MYT1L: variants seen among roughly 807,000 people sequenced by gnomAD.
MYT1L encodes the protein myelin transcription factor 1-like protein.
In MYT1L, 12 loss-of-function variants were observed where a neutral mutation model predicts 126.7. The ratio of observed to expected loss-of-function variants is 0.09; its 90% CI spans 0.06 to 0.15. MYT1L has a LOEUF of 0.15. Ranked by LOEUF, MYT1L falls within the 10% of genes least tolerant of loss-of-function variation. The pLI, the probability that MYT1L is intolerant of heterozygous loss-of-function variation, is 1.00. For missense variants in MYT1L, 979 were observed against 1,585.2 expected (o/e 0.62, Z 6.49); for synonymous variants, 541 against 604.2 (o/e 0.90, Z 1.53).
At chr2:2,301,378 A>T (rs10196538) in intron 1 of MYT1L, among the ~76,000 whole-genome samples, 79 of 152,252 alleles carry the variant, frequency 5.2e-4, no homozygotes, top group Non-Finnish European at 8.8e-4. Context: ...AGGTAGACAC[A>T]TTCATTTTTT....
At chr2:2,158,020 T>C (rs779666305) in intron 3 of MYT1L, among the ~76,000 whole-genome samples, 3 of 152,094 alleles carry the variant, frequency 2.0e-5, no homozygotes, top group African/African-American at 7.2e-5. Flanking sequence ...TTCCTAGGTC[T>C]CTTGCCCTTT....
chr2:2,250,874 T>G (rs2094629121), intron 2 of MYT1L, among the ~76,000 whole-genome samples: 1 of 152,162 alleles, frequency 6.6e-6, no homozygotes, highest in South Asian at 2.1e-4. Flanking sequence ...ATTCTAGTTA[T>G]TCTCTTTAAA....
At chr2:2,298,512 C>T (rs535752709) in intron 1 of MYT1L, among the ~76,000 whole-genome samples, 3 of 152,316 alleles carry the variant, frequency 2.0e-5, no homozygotes, top group Admixed American at 1.3e-4. Context: ...AACTTTTATA[C>T]ATTTTCATTC....
chr2:2,294,563 G>A (rs1367717396), intron 1 of MYT1L, among the ~76,000 whole-genome samples: 10 of 151,926 alleles, frequency 6.6e-5, no homozygotes, highest in Admixed American at 3.3e-4. Flanking sequence ...AGATATGAAC[G>A]GAAGGAGGAA....
In MYT1L at chr2:1,822,106, C is replaced by A. The variant is rs542163376; in HGVS notation, c.3081-12939G>T. Among the ~76,000 whole-genome samples the A allele has an allele frequency of 7.2e-5, 11 of 152,308 alleles. No individual in the cohort carries two copies. In the South Asian group the frequency reaches 2.3e-3, roughly 32 times the overall value. On this transcript the variant is annotated intron_variant, in intron 21 of 24. Transcript: ENST00000647738. ...TTTCTGGGTTCTTTCTTCACTCTTT[C>A]TCTCCACCCCCATCCTCTCCCTCCC...
intron 3 of MYT1L, among the ~76,000 whole-genome samples, chr2:2,101,060 C>A (rs757006233): frequency 1.3e-5 from 2 of 152,146 alleles, no homozygotes; most frequent in Non-Finnish European, 2.9e-5. Flanking sequence ...CTCTTTCAAC[C>A]TGGTTGCCTG....
At chr2:1,860,419 G>A (rs1465394529) in intron 18 of MYT1L, among the ~76,000 whole-genome samples, 3 of 152,152 alleles carry the variant, frequency 2.0e-5, no homozygotes, top group Non-Finnish European at 4.4e-5. Flanking sequence ...AGGGCCTGAC[G>A]CATTCAAACC....
Position 1,991,278 on chromosome 2 carries a change from G to A in MYT1L, c.-1+5913C>T, listed in dbSNP as rs371616779. Among the ~76,000 whole-genome samples the A allele has an allele frequency of 1.3e-4, 20 of 152,132 alleles. No homozygotes were observed. The South Asian group carries it at 3.1e-3, about 24-fold the overall frequency. Reference sequence around the variant, plus strand: ...CGCTTCCACATCAGCCCCTGCCGCCGCCCCCTCTTGTGAGGGTCTCGCTGT... The same window carrying A: ...CGCTTCCACATCAGCCCCTGCCGCCACCCCCTCTTGTGAGGGTCTCGCTGT... On this transcript the variant is annotated intron_variant, in intron 5 of 24. Coordinates refer to ENST00000647738, the MANE Select transcript of MYT1L (RefSeq NM_001303052.2).
chr2:1,942,949 GA>G lies in MYT1L; in HGVS notation c.505+32del, dbSNP rs1437488548. 8 of 1,495,558 alleles carry G rather than the reference GA, an allele frequency of 5.3e-6. No individual in the cohort carries two copies. The East Asian group carries it at 2.0e-4, about 37-fold the overall frequency. The allele number at this position is 1,495,558 out of a possible 1,614,324, so 92.6% of individuals were successfully genotyped here. The stretch of plus-strand genomic sequence containing the variant: ...ACCTTGAACAGTGGACCCAAATCAC[GA>G]CTTGTTACTTTGCTAATATTTTAAA... On this transcript the variant is annotated intron_variant, in intron 9 of 24. Coordinates refer to ENST00000647738, the MANE Select transcript of MYT1L (RefSeq NM_001303052.2).
chr2:2,300,480 A>G (rs1204391599), intron 1 of MYT1L, among the ~76,000 whole-genome samples: 1 of 152,210 alleles, frequency 6.6e-6, no homozygotes, highest in African/African-American at 2.4e-5. Context: ...ACATGGCGAG[A>G]ATCTCTCTCT....
intron 8 of MYT1L, among the ~76,000 whole-genome samples, chr2:1,953,311 A>G (rs923918174): frequency 2.0e-5 from 3 of 152,220 alleles, no homozygotes; most frequent in Non-Finnish European, 2.9e-5. Flanking sequence ...CCTTTGCTGT[A>G]GCATGTGAGA....
chr2:2,074,709 G>A lies in MYT1L; in HGVS notation c.-303-20586C>T, dbSNP rs560317333. Among the ~76,000 whole-genome samples the A allele has an allele frequency of 1.9e-3, 291 of 152,244 alleles. 2 individuals carry two copies. Among genetic ancestry groups the A allele is most frequent in the South Asian group, 0.011 (54 of 4,820 alleles). On this transcript the variant is annotated intron_variant, in intron 3 of 24. Transcript: ENST00000647738. Reference sequence around the variant, plus strand: ...ATGAGATTAAACAGTCCAGTCTTCTGGACTGAGATGAAACAGCCCAAAAGA... The same window carrying A: ...ATGAGATTAAACAGTCCAGTCTTCTAGACTGAGATGAAACAGCCCAAAAGA...
chr2:2,283,589 C>T (rs545565147), intron 2 of MYT1L, among the ~76,000 whole-genome samples: 44 of 152,290 alleles, frequency 2.9e-4, no homozygotes, highest in African/African-American at 9.9e-4. Flanking sequence ...CTCAATTCCA[C>T]CCACTCATAA....
Position 1,979,739 on chromosome 2 carries a change from C to T in MYT1L, c.39G>A (p.Arg13=). Reference sequence around the variant, plus strand: ...CGGACATACCTCGAACCCCTTTGGACCGCGTGCGATGCCGCTTCTCCTCGG... The same window carrying T: ...CGGACATACCTCGAACCCCTTTGGATCGCGTGCGATGCCGCTTCTCCTCGG... ...VDTEEKRHRT[R]SKGVRVPVEP... Residue 13 remains arginine (R), a synonymous_variant, in exon 6 of 25, where the codon CGG becomes CGA. Transcript: ENST00000647738. This position sits in a 1 kb window ranked among gnomAD's most constrained non-coding sequence, Gnocchi z 4.0. 1 of 1,614,044 alleles carries T rather than the reference C, an allele frequency of 6.2e-7. No individual in the cohort carries two copies. Among genetic ancestry groups the T allele is most frequent in the Non-Finnish European group, 8.5e-7 (1 of 1,179,912 alleles).
In MYT1L at chr2:2,319,588, A is replaced by T. The variant is rs375482703; in HGVS notation, c.-521+11379T>A. 3.4e-4 allele frequency among the ~76,000 whole-genome samples: 51 copies of T among 152,166 alleles called. No individual in the cohort carries two copies. The South Asian group carries it at 0.01, about 31-fold the overall frequency. On this transcript the variant is annotated intron_variant, in intron 1 of 24. Coordinates refer to ENST00000647738, the MANE Select transcript of MYT1L (RefSeq NM_001303052.2). ...TACAATGCCATGCTGTTGAGTACTGAGTTTTGGAATGGTCACCTGGATTCC... is the reference window on the plus strand; with the variant it reads ...TACAATGCCATGCTGTTGAGTACTGTGTTTTGGAATGGTCACCTGGATTCC...
intron 2 of MYT1L, among the ~76,000 whole-genome samples, chr2:2,216,281 A>T (rs2148943875): frequency 6.6e-6 from 1 of 152,296 alleles, no homozygotes; most frequent in Non-Finnish European, 1.5e-5. Flanking sequence ...AGTCTCAATA[A>T]ATTTAAAAGG....
rs188250519 is a variant in MYT1L, at chr2:2,246,899, A to G, written c.-421+37505T>C. ...GGGTGAGAAGCCTAACATGTAGCCC[A>G]CAGAGCATGGAGGCTGAGTGTCGAA... On this transcript the variant is annotated intron_variant, in intron 2 of 24. Coordinates refer to ENST00000647738, the MANE Select transcript of MYT1L (RefSeq NM_001303052.2). Among the ~76,000 whole-genome samples the G allele has an allele frequency of 1.9e-3, 295 of 152,314 alleles. 2 individuals carry two copies. Among genetic ancestry groups the G allele is most frequent in the African/African-American group, 6.7e-3 (277 of 41,562 alleles).
chr2:2,289,486 T>TA (rs1215057232), intron 1 of MYT1L, among the ~76,000 whole-genome samples: 1 of 152,144 alleles, frequency 6.6e-6, no homozygotes, highest in Admixed American at 6.5e-5. Context: ...TGGGCTTACA[T>TA]AAAAAATATC....
chr2:2,057,818 G>A (rs2069808405), intron 3 of MYT1L, among the ~76,000 whole-genome samples: 1 of 152,190 alleles, frequency 6.6e-6, no homozygotes, highest in Non-Finnish European at 1.5e-5. Flanking sequence ...TGGCATGGCT[G>A]TACACAGTTT....
Sources: allele counts gnomAD v4.1 joint callset (sites outside exome capture counted in the v4.1 genomes callset), GRCh38; gene constraint gnomAD v4.1.1; non-coding constraint Gnocchi (gnomAD v3.1); transcripts MANE v1.5; gene names NCBI Gene and HGNC (gene_info 2026-07-23, HGNC 2026-07-21).